XKR4: variants seen among roughly 807,000 people sequenced by gnomAD.
The protein encoded by XKR4 is XK related 4.
XKR4 carries 12 observed loss-of-function variants against 53.9 expected under a neutral mutation model. The observed-to-expected ratio is 0.22, with a 90% CI of 0.14 to 0.36. The LOEUF (loss-of-function observed/expected upper bound fraction) is 0.36, where lower values mean the gene tolerates loss of function less well. Among genes scored for constraint, XKR4 ranks in the 10% least tolerant of loss-of-function variants. The pLI is 1.00. For missense variants in XKR4, 799 were observed against 859.5 expected, an observed-to-expected ratio of 0.93 and a Z score of 0.88; for synonymous variants, 354 against 362.4, an observed-to-expected ratio of 0.98 and a Z score of 0.26.
At chr8:55,425,681 TC>T (rs1341723331) in intron 2 of XKR4, among the ~76,000 whole-genome samples, 1 of 152,086 alleles carries the variant, frequency 6.6e-6, no homozygotes, top group Non-Finnish European at 1.5e-5. Flanking sequence ...CCCATAATCT[TC>T]CCCCTCTGAG....
chr8:55,519,164 G>A (rs550349705), intron 2 of XKR4, among the ~76,000 whole-genome samples: 1 of 152,292 alleles, frequency 6.6e-6, no homozygotes, highest in African/African-American at 2.4e-5. Context: ...TAAGATTATT[G>A]CACTAGGTAA....
intron 1 of XKR4, among the ~76,000 whole-genome samples, chr8:55,237,192 G>A (rs1284462736): frequency 6.6e-6 from 1 of 152,150 alleles, no homozygotes; most frequent in Non-Finnish European, 1.5e-5. Context: ...GGAGGTGAGT[G>A]GGTGCAACAG....
chr8:55,518,962 T>C (rs1039844159), intron 2 of XKR4, among the ~76,000 whole-genome samples: 1 of 152,156 alleles, frequency 6.6e-6, no homozygotes, highest in African/African-American at 2.4e-5. Flanking sequence ...TACATGTTTG[T>C]AAGATCTGGG....
intron 2 of XKR4, among the ~76,000 whole-genome samples, chr8:55,457,146 C>CTTTTTTTTTTTT (rs1554527639): frequency 1.5e-4 from 21 of 137,236 alleles, no homozygotes; most frequent in African/African-American, 5.6e-4. Flanking sequence ...TTTTCCTTTT[C>CTTTTTTTTTTTT]TTTTTTTTTT....
chr8:55,318,790 A>G (rs1351594176), intron 1 of XKR4, among the ~76,000 whole-genome samples: 2 of 152,230 alleles, frequency 1.3e-5, no homozygotes, highest in East Asian at 3.8e-4. Flanking sequence ...CCTCCAGAGC[A>G]GTGTTTCATA....
At chr8:55,115,585 C>A (rs1816294277) in intron 1 of XKR4, among the ~76,000 whole-genome samples, 1 of 152,098 alleles carries the variant, frequency 6.6e-6, no homozygotes, top group African/African-American at 2.4e-5. Context: ...GAGATCGAGA[C>A]CATCCTGGCC....
At chr8:55,205,110 A>C (rs902625926) in intron 1 of XKR4, among the ~76,000 whole-genome samples, 44 of 152,204 alleles carry the variant, frequency 2.9e-4, no homozygotes, top group African/African-American at 9.4e-4. Context: ...AAAAACACCC[A>C]TTTGATTTTG....
At position 55,353,158 on chromosome 8, in the gene XKR4, T is replaced by C. The variant is rs572383034; in HGVS notation, c.807-4520T>C. Among the ~76,000 whole-genome samples, 102 of 152,256 alleles carry C rather than the reference T, an allele frequency of 6.7e-4. 1 individual carries two copies. The highest frequency in any genetic ancestry group is 3.4e-3 in the Middle Eastern group (1 of 294). The stretch of plus-strand genomic sequence containing the variant: ...TGGAGTGAACAAGATCAAACACTGA[T>C]AGAAAAGTGTTAGGGTTGAATCGTG... On this transcript the variant is annotated intron_variant, in intron 1 of 2. Coordinates refer to ENST00000327381, the MANE Select transcript of XKR4 (RefSeq NM_052898.2).
chr8:55,115,599 A>G (rs1482364652), intron 1 of XKR4, among the ~76,000 whole-genome samples: 3 of 152,184 alleles, frequency 2.0e-5, no homozygotes, highest in Non-Finnish European at 4.4e-5. Context: ...CCTGGCCAAC[A>G]TGGTGAAACC....
chr8:55,128,378 T>G (rs1232599993), intron 1 of XKR4, among the ~76,000 whole-genome samples: 1 of 152,224 alleles, frequency 6.6e-6, no homozygotes, highest in African/African-American at 2.4e-5. Flanking sequence ...TCAGCTCTCA[T>G]GCACATAGAA....
At chr8:55,433,529 TAA>T (rs529422453) in intron 2 of XKR4, among the ~76,000 whole-genome samples, 128 of 152,332 alleles carry the variant, frequency 8.4e-4, no homozygotes, top group African/African-American at 2.8e-3. Context: ...CATTTGTACA[TAA>T]AGAGAAGTTT....
intron 2 of XKR4, among the ~76,000 whole-genome samples, chr8:55,447,549 T>C (rs543051957): frequency 2.3e-4 from 35 of 152,236 alleles, no homozygotes; most frequent in Non-Finnish European, 4.9e-4. Flanking sequence ...TGTACAGCTA[T>C]GTTAGTGTCA....
At chr8:55,215,804 A>G (rs1009058561) in intron 1 of XKR4, among the ~76,000 whole-genome samples, 17 of 152,226 alleles carry the variant, frequency 1.1e-4, no homozygotes, top group African/African-American at 4.1e-4. Context: ...GTAGTAAGAC[A>G]TTAGAAATAT....
At chr8:55,499,705 G>C (rs1806407059) in intron 2 of XKR4, among the ~76,000 whole-genome samples, 1 of 152,184 alleles carries the variant, frequency 6.6e-6, no homozygotes, top group African/African-American at 2.4e-5. Context: ...TTGGCAGAGA[G>C]AGCCGTCACA....
intron 1 of XKR4, among the ~76,000 whole-genome samples, chr8:55,236,776 A>T (rs935615585): frequency 2.0e-5 from 3 of 151,960 alleles, no homozygotes; most frequent in Non-Finnish European, 4.4e-5. Context: ...AAATATTGCT[A>T]TTTGTCTTCT....
At chr8:55,303,189 G>A (rs1183865545) in intron 1 of XKR4, among the ~76,000 whole-genome samples, 1 of 152,184 alleles carries the variant, frequency 6.6e-6, no homozygotes, top group Non-Finnish European at 1.5e-5. Context: ...CTAATTTATT[G>A]AGAGTTTTTA....
Position 55,539,283 on chromosome 8 carries a change from A to G in XKR4, c.*15056A>G, listed in dbSNP as rs1807070481. 1 of 152,226 alleles carries G rather than the reference A, an allele frequency of 6.6e-6. No homozygotes were observed. The highest frequency in any genetic ancestry group is 1.5e-5 in the Non-Finnish European group (1 of 68,036). 9.4% of individuals were successfully genotyped at this position (152,226 alleles called of 1,614,324 possible). On this transcript the variant is annotated 3_prime_UTR_variant, in exon 3 of 3. Transcript: ENST00000327381. ...TGGCTTCATGAGGCAAAGTTGTTGT[A>G]CATCAATATTATCATTGTGCCCTTA...
At chr8:55,105,094 A>T (rs776012606) in intron 1 of XKR4, among the ~76,000 whole-genome samples, 147 of 152,094 alleles carry the variant, frequency 9.7e-4, no homozygotes, top group Non-Finnish European at 1.9e-3. Context: ...AAAAACTGTA[A>T]TTTTTTTTAC....
chr8:55,152,055 A>C (rs1219066377), intron 1 of XKR4, among the ~76,000 whole-genome samples: 1 of 152,170 alleles, frequency 6.6e-6, no homozygotes, highest in Non-Finnish European at 1.5e-5. Context: ...TGCCCATCTT[A>C]TCTGCGTTTT....
Sources: gnomAD v4.1 joint callset for allele counts (sites outside exome capture counted in the v4.1 genomes callset) on GRCh38, gnomAD v4.1.1 for gene constraint, MANE v1.5 for transcripts, NCBI Gene and HGNC (gene_info 2026-07-23, HGNC 2026-07-21) for gene names.